The following WWP1 variants were observed in gnomAD, a reference collection of about 807,000 sequenced individuals.
WWP1 encodes the protein WW domain containing E3 ubiquitin protein ligase 1.
WWP1 carries 49 observed loss-of-function variants against 130.6 expected under a neutral mutation model. The ratio of observed to expected loss-of-function variants is 0.38; its 90% CI spans 0.30 to 0.48. The LOEUF is 0.48. Among genes scored for constraint, WWP1 ranks in the 20% least tolerant of loss-of-function variants. WWP1 has a pLI of 0.99. For missense variants in WWP1, 809 were observed against 1,100.6 expected (o/e 0.74, Z 3.75); for synonymous variants, 332 against 367.8 (o/e 0.90, Z 1.11).
chr8:86,414,481 C>T (rs1368086288), intron 9 of WWP1, among the ~76,000 whole-genome samples: 1 of 152,094 alleles, frequency 6.6e-6, no homozygotes, highest in African/African-American at 2.4e-5. Context: ...AGAGTGGAAC[C>T]AAGGTGGATT....
intron 2 of WWP1, among the ~76,000 whole-genome samples, chr8:86,370,406 T>TAAAGAA (rs1362326544): frequency 2.0e-5 from 3 of 152,214 alleles, no homozygotes; most frequent in African/African-American, 7.2e-5. Flanking sequence ...AACATTTCTG[T>TAAAGAA]ACACTAGTTT....
chr8:86,408,866 C>T (rs528761451), intron 8 of WWP1, among the ~76,000 whole-genome samples: 3 of 151,860 alleles, frequency 2.0e-5, no homozygotes, highest in East Asian at 1.9e-4. Flanking sequence ...GCTGAGATCG[C>T]GCTACTGCAC....
At position 86,457,971 on chromosome 8, in the gene WWP1, T is replaced by C; in HGVS notation, c.2445T>C (p.Asn815=). Residue 815 remains asparagine (N), a synonymous_variant, in exon 22 of 25, where the codon AAT becomes AAC. Coordinates refer to ENST00000517970, the MANE Select transcript of WWP1 (RefSeq NM_007013.4). ...TTGACTTGGCAGATTGGCAGAGAAATACTGTTTATCGACATTATACAAGAA... is the reference window on the plus strand; with the variant it reads ...TTGACTTGGCAGATTGGCAGAGAAACACTGTTTATCGACATTATACAAGAA... ...QEVDLADWQR[N]TVYRHYTRNS... is the part of the protein sequence containing the mutation. 2 of 1,613,282 alleles carry C rather than the reference T, an allele frequency of 1.2e-6. No individual in the cohort carries two copies. The highest frequency in any genetic ancestry group is 1.7e-6 in the Non-Finnish European group (2 of 1,179,368).
intron 1 of WWP1, among the ~76,000 whole-genome samples, chr8:86,364,240 G>C (rs1036229926): frequency 6.6e-6 from 1 of 152,178 alleles, no homozygotes; most frequent in African/African-American, 2.4e-5. Context: ...CTTTGAGGGA[G>C]AGAAATAAAT....
At chr8:86,422,858 C>G (rs2130628180) in intron 9 of WWP1, among the ~76,000 whole-genome samples, 1 of 151,992 alleles carries the variant, frequency 6.6e-6, no homozygotes, top group East Asian at 1.9e-4. Flanking sequence ...AAACCAGAAC[C>G]AAAATTAGGA....
intron 7 of WWP1, among the ~76,000 whole-genome samples, chr8:86,399,207 A>T (rs377442089): frequency 4.6e-5 from 7 of 152,172 alleles, no homozygotes; most frequent in African/African-American, 1.7e-4. Flanking sequence ...GATACTATGG[A>T]TAAATAGGTA....
chr8:86,355,337 T>A (rs1024884153), intron 1 of WWP1, among the ~76,000 whole-genome samples: 6 of 152,240 alleles, frequency 3.9e-5, no homozygotes, highest in Non-Finnish European at 8.8e-5. Context: ...TCTGTGTTTC[T>A]GAGTAATTCT....
At chr8:86,381,698 C>A in intron 5 of WWP1, 69 bp downstream of exon 5, 1 of 1,385,318 alleles carries the variant, frequency 7.2e-7, no homozygotes, top group Non-Finnish European at 9.5e-7. Flanking sequence ...TATCCTGAAT[C>A]CTAAAAGCAA....
rs191265372 is a variant in WWP1, at chr8:86,436,595, T to C, written c.1749+891T>C. ...CTGTTCTGCCTAGTACGTAGAATAG[T>C]GCCTTTGCACATAGAGGGTATTCAA... On this transcript the variant is annotated intron_variant, in intron 16 of 24. Transcript: ENST00000517970. 7.9e-5 allele frequency among the ~76,000 whole-genome samples: 12 copies of C among 152,312 alleles called. No individual in the cohort carries two copies. In the East Asian group the frequency reaches 2.3e-3, roughly 29 times the overall value.
intron 11 of WWP1, among the ~76,000 whole-genome samples, chr8:86,429,578 G>C (rs1267812262): frequency 6.6e-6 from 1 of 152,028 alleles, no homozygotes; most frequent in Non-Finnish European, 1.5e-5. Context: ...ATAAAAATGT[G>C]TTTTTATGTA....
intron 2 of WWP1, among the ~76,000 whole-genome samples, chr8:86,372,756 T>A (rs1309122038): frequency 6.6e-6 from 1 of 152,198 alleles, no homozygotes; most frequent in Non-Finnish European, 1.5e-5. Flanking sequence ...TAGGGCTTCC[T>A]ATTTTGTTTC....
At chr8:86,414,248 T>TGTGTGTGC (rs549126978) in intron 9 of WWP1, among the ~76,000 whole-genome samples, 2 of 150,088 alleles carry the variant, frequency 1.3e-5, no homozygotes, top group African/African-American at 2.4e-5. Context: ...TGTGTGTGTG[T>TGTGTGTGC]ATGTGTGTGT....
intron 9 of WWP1, among the ~76,000 whole-genome samples, chr8:86,423,268 C>T (rs1384451473): frequency 6.7e-6 from 1 of 149,548 alleles, no homozygotes; most frequent in Non-Finnish European, 1.5e-5. Flanking sequence ...GGTGTTTCTC[C>T]CAGAGGGGGA....
chr8:86,431,105 A>G (rs1205818920), intron 12 of WWP1, among the ~76,000 whole-genome samples: 1 of 136,866 alleles, frequency 7.3e-6, no homozygotes, highest in Non-Finnish European at 1.5e-5. Flanking sequence ...TATATATATA[A>G]TATACAGAAT....
intron 9 of WWP1, among the ~76,000 whole-genome samples, chr8:86,415,331 A>AT (rs1047244817): frequency 2.6e-5 from 4 of 152,162 alleles, no homozygotes; most frequent in Admixed American, 6.5e-5. Flanking sequence ...GAAAATTATA[A>AT]TTTTGCAGTG....
rs1811665223 is a variant in WWP1 at position 86,459,885 on chromosome 8, TTTGTGCCAGACCTGGTAATAAGTC to T, written c.2500-1334_2500-1311del. ...GTTTCTTTTAGGGAAAGTGATGAGG[TTTGTGCCAGACCTGGTAATAAGTC>T]TTGTTTCTTGTGTTCTGATGAAATA... is the stretch of plus-strand genomic sequence containing the variant. On this transcript the variant is annotated intron_variant, in intron 22 of 24. Coordinates refer to ENST00000517970, the MANE Select transcript of WWP1 (RefSeq NM_007013.4). Among the ~76,000 whole-genome samples, 9 of 152,192 alleles carry T rather than the reference TTTGTGCCAGACCTGGTAATAAGTC, an allele frequency of 5.9e-5. 1 individual carries two copies. In the South Asian group the frequency reaches 1.9e-3, roughly 32 times the overall value.
At chr8:86,445,572 G>A (rs1810816157) in intron 18 of WWP1, among the ~76,000 whole-genome samples, 1 of 152,132 alleles carries the variant, frequency 6.6e-6, no homozygotes, top group Non-Finnish European at 1.5e-5. Context: ...TGGGCACCTG[G>A]ATTTATTCTA....
chr8:86,351,173 A>T (rs370125792), intron 1 of WWP1, among the ~76,000 whole-genome samples: 6 of 152,358 alleles, frequency 3.9e-5, no homozygotes, highest in African/African-American at 1.4e-4. Context: ...AGCAGAAAGC[A>T]TGGTGGCTAG....
At chr8:86,393,060 T>G (rs932818605) in intron 5 of WWP1, among the ~76,000 whole-genome samples, 4 of 152,210 alleles carry the variant, frequency 2.6e-5, no homozygotes, top group African/African-American at 4.8e-5. Context: ...GGTCAGATGT[T>G]TATTAGTCAT....
Sources: allele counts gnomAD v4.1 joint callset (sites outside exome capture counted in the v4.1 genomes callset), GRCh38; gene constraint gnomAD v4.1.1; transcripts MANE v1.5; gene names NCBI Gene and HGNC (gene_info 2026-07-23, HGNC 2026-07-21).